Variants in CNTNAP2 observed in about 807,000 individuals in gnomAD.
The protein encoded by CNTNAP2 is contactin associated protein 2.
Under a neutral mutation model 155.2 loss-of-function variants are expected in CNTNAP2, and 98 were observed. That is an observed-to-expected ratio of 0.63 (90% confidence interval 0.54 to 0.75). The LOEUF is 0.75. Among genes scored for constraint, CNTNAP2 ranks in the 30% least tolerant of loss-of-function variants. CNTNAP2 has a pLI of 0.00. For missense variants in CNTNAP2, 1,727 were observed against 1,688.1 expected, an observed-to-expected ratio of 1.02 and a Z score of -0.40; for synonymous variants, 651 against 631.2, an observed-to-expected ratio of 1.03 and a Z score of -0.47.
intron 22 of CNTNAP2, among the ~76,000 whole-genome samples, chr7:148,398,183 T>C (rs1286608114): frequency 6.6e-6 from 1 of 152,184 alleles, no homozygotes; most frequent in Non-Finnish European, 1.5e-5. Context: ...CAGAATCTGG[T>C]CAGCTGTCTG....
intron 1 of CNTNAP2, among the ~76,000 whole-genome samples, chr7:146,127,658 C>T (rs1220295260): frequency 1.3e-5 from 2 of 152,104 alleles, no homozygotes; most frequent in African/African-American, 4.8e-5. Flanking sequence ...CCTTTAAACC[C>T]AAGCCTGACT....
At chr7:147,848,181 C>T (rs1281525866) in intron 13 of CNTNAP2, among the ~76,000 whole-genome samples, 1 of 137,992 alleles carries the variant, frequency 7.2e-6, no homozygotes, top group Non-Finnish European at 1.6e-5. Flanking sequence ...CAATGGCGGG[C>T]GCCCCTCCCC....
At chr7:147,205,653 T>C in intron 8 of CNTNAP2, among the ~76,000 whole-genome samples, 1 of 151,686 alleles carries the variant, frequency 6.6e-6, no homozygotes. Flanking sequence ...TAGCATGTTC[T>C]CACTCTTATG....
intron 2 of CNTNAP2, among the ~76,000 whole-genome samples, chr7:146,780,484 C>T (rs187640692): frequency 2.0e-4 from 30 of 152,198 alleles, no homozygotes; most frequent in South Asian, 8.3e-4. Context: ...CCACTGTGCC[C>T]GGCCGGTTTC....
chr7:147,227,533 G>C (rs540245125), intron 8 of CNTNAP2, among the ~76,000 whole-genome samples: 1 of 152,184 alleles, frequency 6.6e-6, no homozygotes, highest in East Asian at 1.9e-4. Flanking sequence ...GGTAGGGCTA[G>C]AAGGAAGTGG....
intron 4 of CNTNAP2, among the ~76,000 whole-genome samples, chr7:147,089,176 C>T (rs1800345325): frequency 6.6e-6 from 1 of 152,176 alleles, no homozygotes; most frequent in East Asian, 1.9e-4. Flanking sequence ...GTTGCCCCTG[C>T]AGAGAGAATT....
intron 10 of CNTNAP2, among the ~76,000 whole-genome samples, chr7:147,478,447 C>T (rs1798360880): frequency 6.6e-6 from 1 of 152,182 alleles, no homozygotes; most frequent in Non-Finnish European, 1.5e-5. Flanking sequence ...GCCACAGTGC[C>T]TGGCCTATTT....
intron 3 of CNTNAP2, among the ~76,000 whole-genome samples, chr7:146,868,056 T>G (rs182784944): frequency 4.2e-4 from 64 of 152,344 alleles, no homozygotes; most frequent in Non-Finnish European, 7.5e-4. Context: ...TTTCTTTTCT[T>G]GCAATTGCTT....
At chr7:147,304,655 G>T (rs1223387135) in intron 9 of CNTNAP2, among the ~76,000 whole-genome samples, 1 of 152,120 alleles carries the variant, frequency 6.6e-6, no homozygotes, top group Non-Finnish European at 1.5e-5. Context: ...AGTGGTGAAG[G>T]CAAGAGAAAA....
intron 1 of CNTNAP2, among the ~76,000 whole-genome samples, chr7:146,209,100 C>T (rs1457921850): frequency 1.3e-5 from 2 of 152,094 alleles, no homozygotes; most frequent in Non-Finnish European, 2.9e-5. Context: ...TTTGATGCCT[C>T]TTTCTGTAGG....
chr7:146,926,858 A>G (rs1164089678), intron 3 of CNTNAP2, among the ~76,000 whole-genome samples: 1 of 152,168 alleles, frequency 6.6e-6, no homozygotes, highest in Non-Finnish European at 1.5e-5. Context: ...TAAATACATT[A>G]TCAAAAAATG....
At chr7:146,386,427 C>T (rs1422345852) in intron 1 of CNTNAP2, among the ~76,000 whole-genome samples, 3 of 152,180 alleles carry the variant, frequency 2.0e-5, no homozygotes, top group East Asian at 3.9e-4. Flanking sequence ...CTAGCTCTGT[C>T]GCCCAGGCTG....
At chr7:147,195,794 C>T (rs1344307468) in intron 8 of CNTNAP2, among the ~76,000 whole-genome samples, 4 of 151,900 alleles carry the variant, frequency 2.6e-5, no homozygotes, top group Non-Finnish European at 5.9e-5. Context: ...AGTTGCTTAT[C>T]AATTTAAGGA....
chr7:146,804,051 AG>A (rs1802925969), intron 2 of CNTNAP2, among the ~76,000 whole-genome samples: 1 of 152,158 alleles, frequency 6.6e-6, no homozygotes, highest in Non-Finnish European at 1.5e-5. Context: ...GTTTTCCCCG[AG>A]ATAAATCCGT....
At chr7:148,075,181 C>T (rs1379023974) in intron 15 of CNTNAP2, among the ~76,000 whole-genome samples, 3 of 152,086 alleles carry the variant, frequency 2.0e-5, no homozygotes, top group Admixed American at 6.5e-5. Context: ...TCATGCCTGT[C>T]ATCCCAGCAC....
intron 1 of CNTNAP2, among the ~76,000 whole-genome samples, chr7:146,119,906 A>T (rs549799733): frequency 6.6e-6 from 1 of 152,062 alleles, no homozygotes; most frequent in Admixed American, 6.5e-5. Flanking sequence ...GTATTTGTTC[A>T]TATGTTTTAT....
chr7:147,623,404 A>G (rs757647844), intron 12 of CNTNAP2, among the ~76,000 whole-genome samples: 2 of 152,136 alleles, frequency 1.3e-5, no homozygotes, highest in African/African-American at 2.4e-5. Context: ...CAAATTCTGC[A>G]AAGTTGTAGT....
At chr7:148,194,153 G>C (rs1384560537) in intron 18 of CNTNAP2, among the ~76,000 whole-genome samples, 1 of 150,700 alleles carries the variant, frequency 6.6e-6, no homozygotes, top group Non-Finnish European at 1.5e-5. Context: ...GTGTGTGTGT[G>C]TGTGTGTGTG....
intron 1 of CNTNAP2, among the ~76,000 whole-genome samples, chr7:146,653,629 T>C (rs1799951112): frequency 6.6e-6 from 1 of 152,202 alleles, no homozygotes; most frequent in Admixed American, 6.5e-5. Context: ...TGATGGTCAA[T>C]GACTAGGAAA....
Sources: gnomAD v4.1 joint callset for allele counts (sites outside exome capture counted in the v4.1 genomes callset) on GRCh38, gnomAD v4.1.1 for gene constraint, MANE v1.5 for transcripts, NCBI Gene and HGNC (gene_info 2026-07-23, HGNC 2026-07-21) for gene names.